Variants in MARCHF4 observed in about 807,000 individuals in gnomAD.
The protein encoded by MARCHF4 is membrane associated ring-CH-type finger 4.
Under a neutral mutation model 43.9 loss-of-function variants are expected in MARCHF4, and 14 were observed. The observed-to-expected ratio is 0.32, with a 90% CI of 0.21 to 0.50. MARCHF4 has a LOEUF of 0.50. Ranked by LOEUF, MARCHF4 falls within the 20% of genes least tolerant of loss-of-function variation. The probability of loss-of-function intolerance (pLI) is 0.98; values close to 1 mark genes in which losing one functional copy is unlikely to be tolerated. For missense variants in MARCHF4, 468 were observed against 536.7 expected (o/e 0.87, Z 1.27); for synonymous variants, 226 against 213.3 (o/e 1.06, Z -0.52).
chr2:216,271,216 C>CTATT (rs1690930216), intron 3 of MARCHF4, among the ~76,000 whole-genome samples: 1 of 152,206 alleles, frequency 6.6e-6, no homozygotes, highest in Non-Finnish European at 1.5e-5. Context: ...CCCAGCCTGA[C>CTATT]TATTTGCATT....
intron 1 of MARCHF4, among the ~76,000 whole-genome samples, chr2:216,363,418 C>A (rs1322603159): frequency 2.0e-5 from 3 of 152,228 alleles, no homozygotes; most frequent in Non-Finnish European, 4.4e-5. Flanking sequence ...TGTATCCGTG[C>A]TTATGCGTGA....
intron 1 of MARCHF4, among the ~76,000 whole-genome samples, chr2:216,327,611 G>C (rs1692016178): frequency 6.6e-6 from 1 of 152,202 alleles, no homozygotes; most frequent in African/African-American, 2.4e-5. Context: ...ACATTAGAAA[G>C]CTCTGTCTCT....
intron 3 of MARCHF4, among the ~76,000 whole-genome samples, chr2:216,276,871 C>T (rs1691032310): frequency 6.6e-6 from 1 of 152,056 alleles, no homozygotes; most frequent in South Asian, 2.1e-4. Flanking sequence ...AGGGGAAAGA[C>T]CCAGCCCGCA....
chr2:216,281,918 G>A lies in MARCHF4; in HGVS notation c.672+1656C>T, dbSNP rs1252935147. Among the ~76,000 whole-genome samples the A allele has an allele frequency of 5.3e-5, 8 of 152,096 alleles. 1 individual carries two copies. The South Asian group carries it at 1.7e-3, about 32-fold the overall frequency. ...ATAACCTTTTCATTTTTTACCCCCA[G>A]GAAAAAGTTATCCCTAAATGCATTT... On this transcript the variant is annotated intron_variant, in intron 2 of 3. Transcript: ENST00000273067.
intron 1 of MARCHF4, among the ~76,000 whole-genome samples, chr2:216,314,925 C>A (rs80110858): frequency 0.013 from 1,926 of 151,950 alleles, 47 homozygotes; most frequent in African/African-American, 0.045. Flanking sequence ...AATGTGACTC[C>A]AAAAAAAGCT....
At chr2:216,319,587 C>A (rs1032421763) in intron 1 of MARCHF4, among the ~76,000 whole-genome samples, 1 of 152,050 alleles carries the variant, frequency 6.6e-6, no homozygotes, top group East Asian at 1.9e-4. Flanking sequence ...ATTATTCATG[C>A]CCTATAGAGA....
At chr2:216,333,843 C>A (rs13387094) in intron 1 of MARCHF4, among the ~76,000 whole-genome samples, 2,849 of 152,264 alleles carry the variant, frequency 0.019, 82 homozygotes, top group African/African-American at 0.065. Context: ...TGACCACAGC[C>A]TGGAGCCACC....
At chr2:216,325,417 T>C (rs1430144297) in intron 1 of MARCHF4, among the ~76,000 whole-genome samples, 3 of 152,150 alleles carry the variant, frequency 2.0e-5, no homozygotes, top group Non-Finnish European at 4.4e-5. Flanking sequence ...TTCAATGCTA[T>C]CTCCATCAAG....
chr2:216,274,216 C>G (rs1690986682), intron 3 of MARCHF4, among the ~76,000 whole-genome samples: 1 of 152,094 alleles, frequency 6.6e-6, no homozygotes, highest in African/African-American at 2.4e-5. Flanking sequence ...TGTTTGGGAG[C>G]CAAGAGAATA....
intron 1 of MARCHF4, among the ~76,000 whole-genome samples, chr2:216,301,320 C>T (rs116098284): frequency 1.1e-3 from 164 of 152,334 alleles, no homozygotes; most frequent in African/African-American, 3.9e-3. Flanking sequence ...AGGTGAAGGA[C>T]CTTCTCACAC....
At chr2:216,320,529 T>C (rs1691862557) in intron 1 of MARCHF4, among the ~76,000 whole-genome samples, 1 of 152,152 alleles carries the variant, frequency 6.6e-6, no homozygotes, top group Admixed American at 6.5e-5. Context: ...GTCTACCCAA[T>C]TCCAAGGCCC....
intron 1 of MARCHF4, among the ~76,000 whole-genome samples, chr2:216,298,261 T>C (rs981366848): frequency 1.0e-5 from 1 of 96,932 alleles, no homozygotes; most frequent in Non-Finnish European, 1.8e-5. Flanking sequence ...TTTAGGTTTT[T>C]TTTTTTTTTT....
chr2:216,297,905 C>T (rs112097715), intron 1 of MARCHF4, among the ~76,000 whole-genome samples: 235 of 152,316 alleles, frequency 1.5e-3, no homozygotes, highest in African/African-American at 5.4e-3. Flanking sequence ...CAGTCACAAA[C>T]GAGGACACAC....
chr2:216,278,218 T>TTTTATTTATTTA (rs3080594), intron 2 of MARCHF4, among the ~76,000 whole-genome samples: 2 of 151,142 alleles, frequency 1.3e-5, no homozygotes, highest in Middle Eastern at 3.4e-3. Context: ...CAGATGATTC[T>TTTTATTTATTTA]TTTATTTATT....
In MARCHF4 at chr2:216,313,293, T is replaced by C. The variant is rs150778422; in HGVS notation, c.517-29564A>G. 3.3e-5 allele frequency among the ~76,000 whole-genome samples: 5 copies of C among 152,326 alleles called. No individual in the cohort carries two copies. The East Asian group carries it at 7.7e-4, about 23-fold the overall frequency. ...ATTTGGTTCCTCTATGTGACTTCCA[T>C]TGATTTTAGAGGCAAATGGCATCTA... On this transcript the variant is annotated intron_variant, in intron 1 of 3. Coordinates refer to ENST00000273067, the MANE Select transcript of MARCHF4 (RefSeq NM_020814.3).
intron 3 of MARCHF4, among the ~76,000 whole-genome samples, chr2:216,263,509 G>GAGAGAGAA (rs1690782677): frequency 2.5e-5 from 1 of 39,488 alleles, no homozygotes; most frequent in Non-Finnish European, 9.9e-5. Context: ...GAGAGAGAGA[G>GAGAGAGAA]AGAGAGAGAG....
At chr2:216,331,549 A>G (rs1027221700) in intron 1 of MARCHF4, among the ~76,000 whole-genome samples, 1 of 152,220 alleles carries the variant, frequency 6.6e-6, no homozygotes, top group African/African-American at 2.4e-5. Context: ...ATTTTGGCCA[A>G]TCTCTTCCAA....
At position 216,259,491 on chromosome 2, in the gene MARCHF4, C is replaced by A. The variant is rs143338970; in HGVS notation, c.1054G>T (p.Ala352Ser). ...ANIPSSEEET[A>S]GTPAPEQGPA... ...CCCTGCTCAGGGGCAGGGGTGCCTG[C>A]GGTCTCCTCTTCCGAGGAGGGGATA... The change falls in exon 4 of 4, where the codon GCA becomes TCA. Residue 352 changes from alanine to serine, a missense_variant. Ala to Ser is a moderately conservative substitution (Grantham distance 99). Coordinates refer to ENST00000273067, the MANE Select transcript of MARCHF4 (RefSeq NM_020814.3). 6.2e-7 allele frequency: 1 copy of A among 1,614,056 alleles called. No individual in the cohort carries two copies. The highest frequency in any genetic ancestry group is 8.5e-7 in the Non-Finnish European group (1 of 1,180,034).
intron 1 of MARCHF4, among the ~76,000 whole-genome samples, chr2:216,327,308 A>G (rs995055584): frequency 6.6e-6 from 1 of 152,100 alleles, no homozygotes; most frequent in African/African-American, 2.4e-5. Context: ...CAAATGCTGA[A>G]TTATATTACA....
Sources: allele counts gnomAD v4.1 joint callset (sites outside exome capture counted in the v4.1 genomes callset), GRCh38; gene constraint gnomAD v4.1.1; transcripts MANE v1.5; gene names NCBI Gene and HGNC (gene_info 2026-07-23, HGNC 2026-07-21).